Variants in KAT6A observed in about 807,000 individuals in gnomAD.
KAT6A encodes the protein lysine acetyltransferase 6A, also known as histone acetyltransferase KAT6A.
A neutral mutation model predicts 198.4 loss-of-function variants in KAT6A; 9 were observed. That is an observed-to-expected ratio of 0.05 (90% CI 0.03 to 0.08). KAT6A has a LOEUF of 0.08. Ranked by LOEUF, KAT6A falls within the 10% of genes least tolerant of loss-of-function variation. The pLI, the probability that KAT6A is intolerant of heterozygous loss-of-function variation, is 1.00. For missense variants in KAT6A, 2,077 were observed against 2,509.9 expected (o/e 0.83, Z 3.69); for synonymous variants, 890 against 883.0 (o/e 1.01, Z -0.14).
intron 4 of KAT6A, among the ~76,000 whole-genome samples, 185 bp downstream of exon 4, chr8:41,981,654 C>T (rs1824362062): frequency 6.6e-6 from 1 of 152,176 alleles, no homozygotes; most frequent in Non-Finnish European, 1.5e-5. Context: ...ATTACCTAGA[C>T]ATAACTGAAG....
rs774292174 is a variant in KAT6A at position 42,048,894 on chromosome 8, T to C, written c.84A>G (p.Ser28=). 5.0e-6 allele frequency: 8 copies of C among 1,614,056 alleles called. No individual in the cohort carries two copies. The highest frequency in any genetic ancestry group is 8.5e-7 in the Non-Finnish European group (1 of 1,180,016). ...KKVKKQKQRP[S]EERICNAVSS... Reference sequence around the variant, plus strand: ...ACACAGCATTGCATATCCTTTCTTCTGAAGGACGCTGTTTCTGCTTTTTCA... The same window carrying C: ...ACACAGCATTGCATATCCTTTCTTCCGAAGGACGCTGTTTCTGCTTTTTCA... Residue 28 remains serine, a synonymous_variant, in exon 2 of 17, where the codon TCA becomes TCG. Coordinates refer to ENST00000265713, the MANE Select transcript of KAT6A (RefSeq NM_006766.5).
At chr8:42,035,164 G>A (rs1306781206) in intron 2 of KAT6A, among the ~76,000 whole-genome samples, 1 of 152,208 alleles carries the variant, frequency 6.6e-6, no homozygotes, top group Non-Finnish European at 1.5e-5. Context: ...GTGTAAGAGA[G>A]AAGACATGGG....
At chr8:41,968,814 G>A (rs2150880750) in intron 8 of KAT6A, among the ~76,000 whole-genome samples, 1 of 152,116 alleles carries the variant, frequency 6.6e-6, no homozygotes, top group East Asian at 1.9e-4. Flanking sequence ...TTCAGAGGTG[G>A]CTCTTTTTCA....
At chr8:42,029,511 C>T (rs1322223209) in intron 2 of KAT6A, among the ~76,000 whole-genome samples, 1 of 150,148 alleles carries the variant, frequency 6.7e-6, no homozygotes, top group African/African-American at 2.4e-5. Context: ...TTCAGATGTC[C>T]TTTCTTCTGC....
chr8:41,940,736 A>G, intron 15 of KAT6A, 106 bp downstream of exon 15: 2 of 1,354,618 alleles, frequency 1.5e-6, no homozygotes, highest in Non-Finnish European at 2.0e-6. Context: ...AAAGCAATGC[A>G]CTAGGAATTT....
chr8:42,028,960 T>C (rs1483844387), intron 2 of KAT6A, among the ~76,000 whole-genome samples: 1 of 152,226 alleles, frequency 6.6e-6, no homozygotes, highest in African/African-American at 2.4e-5. Flanking sequence ...TAGAACTCCC[T>C]TAAGCATTTC....
intron 8 of KAT6A, among the ~76,000 whole-genome samples, chr8:41,956,665 C>T (rs1362880864): frequency 2.0e-5 from 3 of 152,190 alleles, no homozygotes; most frequent in African/African-American, 7.2e-5. Context: ...AATGAAACCT[C>T]AAGCTCTTCC....
At chr8:41,955,185 A>G in intron 9 of KAT6A, 111 bp downstream of exon 9, 1 of 699,232 alleles carries the variant, frequency 1.4e-6, no homozygotes, top group Non-Finnish European at 2.5e-6. Context: ...AAAAGCCCCC[A>G]GTTTCCTCAA....
rs927631308 is a variant in KAT6A at position 42,007,352 on chromosome 8, T to A, written c.601-19789A>T. Among the ~76,000 whole-genome samples, 9 of 152,338 alleles carry A rather than the reference T, an allele frequency of 5.9e-5. No homozygotes were observed. In the South Asian group the frequency reaches 1.9e-3, roughly 32 times the overall value. The stretch of plus-strand genomic sequence containing the variant: ...TTAACCTGCCTGGGTTCTTCATTTG[T>A]AAAATGAAAATATTTGACATGACTA... On this transcript the variant is annotated intron_variant, in intron 2 of 16. Transcript: ENST00000265713.
Position 41,934,991 on chromosome 8 carries a change from T to C in KAT6A, c.3353-124A>G. The C allele has an allele frequency of 3.8e-6, 3 of 786,046 alleles. No individual in the cohort carries two copies. In the South Asian group the frequency reaches 5.5e-5, roughly 14 times the overall value. The allele number at this position is 786,046 out of a possible 1,614,324, so 48.7% of individuals were successfully genotyped here. ...AATCATTACTTTTATAAACTCCTGA[T>C]TGTCTTCATTTTAAAGTTAAGAACC... On this transcript the variant is annotated intron_variant, in intron 16 of 16. Transcript: ENST00000265713.
chr8:42,035,092 T>TGAGGACCTGCTCTAACA (rs1827305644), intron 2 of KAT6A, among the ~76,000 whole-genome samples: 1 of 152,184 alleles, frequency 6.6e-6, no homozygotes. Context: ...AGAGAAATGA[T>TGAGGACCTGCTCTAACA]GAGGACCTGC....
intron 15 of KAT6A, 85 bp from the exon 16 acceptor site, chr8:41,937,653 G>C: frequency 9.6e-7 from 1 of 1,037,876 alleles, no homozygotes; most frequent in Non-Finnish European, 1.4e-6. Context: ...AAACCAAATA[G>C]AATTAGCACA....
At chr8:42,029,910 T>C (rs1352260806) in intron 2 of KAT6A, among the ~76,000 whole-genome samples, 1 of 152,208 alleles carries the variant, frequency 6.6e-6, no homozygotes, top group Admixed American at 6.5e-5. Flanking sequence ...CTGAGCTTCT[T>C]TAATATTATT....
intron 10 of KAT6A, among the ~76,000 whole-genome samples, 174 bp downstream of exon 10, chr8:41,949,048 T>C (rs1478323141): frequency 6.6e-6 from 1 of 152,252 alleles, no homozygotes; most frequent in Non-Finnish European, 1.5e-5. Flanking sequence ...CATCTTAATA[T>C]ATGCAAAATC....
In KAT6A at chr8:41,932,690, T is replaced by C; in HGVS notation, c.5530A>G (p.Arg1844Gly). The change falls in exon 17 of 17, where the codon AGA becomes GGA. Residue 1844 changes from arginine to glycine, a missense_variant. Arg to Gly is a moderately radical substitution (Grantham distance 125). This residue lies in a region of KAT6A where 500 missense variants were observed against 577.2 expected (regional missense o/e 0.87). Transcript: ENST00000265713. ...ATNIGIPHTQ[R>G]LQGQMPVKGH... ...TTCACTGGCATTTGCCCTTGCAATCTCTGCGTGTGAGGAATGCCAATGTTG... is the reference window on the plus strand; with the variant it reads ...TTCACTGGCATTTGCCCTTGCAATCCCTGCGTGTGAGGAATGCCAATGTTG... 1 of 1,614,242 alleles carries C rather than the reference T, an allele frequency of 6.2e-7. No individual in the cohort carries two copies. Among genetic ancestry groups the C allele is most frequent in the Non-Finnish European group, 8.5e-7 (1 of 1,180,042 alleles).
Position 41,978,684 on chromosome 8 carries a change from G to C in KAT6A, c.1001C>G (p.Pro334Arg). ...TAACCTGTTTTTTGGACGTCCTATTGGATTAGTATAGCGCCGTTTTATCTG... is the reference window on the plus strand; with the variant it reads ...TAACCTGTTTTTTGGACGTCCTATTCGATTAGTATAGCGCCGTTTTATCTG... ...AAQIKRRYTN[P>R]IGRPKNRLKK... Residue 334 changes from proline to arginine, a missense_variant, in exon 6 of 17, where the codon CCA (proline) becomes CGA (arginine). Physicochemically the swap from Pro to Arg is moderately radical, Grantham distance 103. This residue lies in a region of KAT6A where 206 missense variants were observed against 214.9 expected (regional missense o/e 0.96). Transcript: ENST00000265713. 6.2e-7 allele frequency: 1 copy of C among 1,613,890 alleles called. No individual in the cohort carries two copies. Among genetic ancestry groups the C allele is most frequent in the Non-Finnish European group, 8.5e-7 (1 of 1,179,914 alleles).
intron 13 of KAT6A, 23 bp from the exon 14 acceptor site, chr8:41,943,023 A>G (rs759809306): frequency 1.1e-5 from 18 of 1,613,332 alleles, no homozygotes; most frequent in Non-Finnish European, 1.5e-5. Flanking sequence ...AAAAGTTTAT[A>G]GCAATCAACA....
chr8:41,982,741 T>C (rs1472504544), intron 3 of KAT6A, among the ~76,000 whole-genome samples: 2 of 152,228 alleles, frequency 1.3e-5, no homozygotes, highest in African/African-American at 4.8e-5. Context: ...CTTATTTTAC[T>C]TCATAATGGT....
intron 2 of KAT6A, among the ~76,000 whole-genome samples, chr8:42,020,096 T>A (rs1826457990): frequency 6.6e-6 from 1 of 152,194 alleles, no homozygotes; most frequent in Admixed American, 6.5e-5. Flanking sequence ...TATTTTCATA[T>A]CTTATAAGTG....
Sources: gnomAD v4.1 joint callset for allele counts (sites outside exome capture counted in the v4.1 genomes callset) on GRCh38, gnomAD v4.1.1 for gene constraint, gnomAD v4.1.1 regional missense constraint, MANE v1.5 for transcripts, NCBI Gene and HGNC (gene_info 2026-07-23, HGNC 2026-07-21) for gene names.